BEGAIN: variants seen among roughly 807,000 people sequenced by gnomAD.
BEGAIN encodes brain-enriched guanylate kinase-associated protein.
BEGAIN carries 19 observed loss-of-function variants against 35.8 expected under a neutral mutation model. The ratio of observed to expected loss-of-function variants is 0.53; its 90% CI spans 0.37 to 0.78. The LOEUF (loss-of-function observed/expected upper bound fraction) is 0.78. Among genes scored for constraint, BEGAIN ranks in the 30% least tolerant of loss-of-function variants. BEGAIN has a pLI of 0.00. For synonymous variants in BEGAIN, 462 were observed against 388.6 expected, an observed-to-expected ratio of 1.19 and a Z score of -2.22; for missense variants, 795 against 853.6, an observed-to-expected ratio of 0.93 and a Z score of 0.85.
At position 100,539,025 on chromosome 14, in the gene BEGAIN, G is replaced by C; in HGVS notation, c.783C>G (p.Asp261Glu). 1.2e-6 allele frequency: 2 copies of C among 1,611,532 alleles called. No homozygotes were observed. The highest frequency in any genetic ancestry group is 2.2e-5 in the South Asian group (2 of 90,968). The change falls in exon 7 of 7, where the codon GAC becomes GAG. Residue 261 changes from aspartate to glutamate, a missense_variant. Asp to Glu is a conservative substitution (Grantham distance 45, BLOSUM62 2). Around this residue, in one of 3 missense-constraint regions of BEGAIN, gnomAD observed 664 missense variants for 647.7 expected, o/e 1.03. Transcript: ENST00000554140. ...ALYCPEERRR[D>E]RRPSVDAPVT... ...CGGGCGCGTCCACGCTAGGCCGCCG[G>C]TCTCGCCGCCGCTCCTCCGGGCAGT...
chr14:100,573,865 G>A lies in BEGAIN; in HGVS notation c.43-5926C>T, dbSNP rs568685479. ...GGCAGCCACGGTGGGAGGCGACAGG[G>A]GCTGGGACAGAGCCCGGGACTCTGC... is the stretch of plus-strand genomic sequence containing the variant. On this transcript the variant is annotated intron_variant, in intron 1 of 6. Coordinates refer to ENST00000554140, the MANE Select transcript of BEGAIN (RefSeq NM_001385089.1). This position sits in a 1 kb window ranked among gnomAD's most constrained non-coding sequence, Gnocchi z 4.2. Among the ~76,000 whole-genome samples the A allele has an allele frequency of 2.0e-4, 30 of 152,052 alleles. No individual in the cohort carries two copies. The South Asian group carries it at 6.2e-3, about 32-fold the overall frequency.
chr14:100,544,483 G>A (rs1308165330), intron 4 of BEGAIN, among the ~76,000 whole-genome samples: 2 of 152,352 alleles, frequency 1.3e-5, no homozygotes, highest in African/African-American at 2.4e-5. Flanking sequence ...TCATCCTAGT[G>A]AGGGAGTGGC....
chr14:100,577,198 C>T lies in BEGAIN; in HGVS notation c.43-9259G>A, dbSNP rs1367990017. The T allele has an allele frequency of 7.5e-6, 3 of 397,880 alleles. No individual in the cohort carries two copies. In the Admixed American group the frequency reaches 1.3e-4, roughly 17 times the overall value. The allele number at this position is 397,880 out of a possible 1,614,324, so 24.6% of individuals were successfully genotyped here. On this transcript the variant is annotated intron_variant, in intron 1 of 6. Transcript: ENST00000554140. ...CATTCTTTTGGCAATTAAGGTCTTT[C>T]CCGTTACAAATATTATAAATGGGGT...
At chr14:100,575,180 T>A (rs2035175694) in intron 1 of BEGAIN, among the ~76,000 whole-genome samples, 1 of 152,202 alleles carries the variant, frequency 6.6e-6, no homozygotes, top group South Asian at 2.1e-4. Flanking sequence ...GCATTGTCTC[T>A]CAAGAAACGG....
At chr14:100,546,761 C>T in intron 2 of BEGAIN, 99 bp from the exon 3 acceptor site, 4 of 1,105,646 alleles carry the variant, frequency 3.6e-6, no homozygotes, top group South Asian at 1.7e-5. Context: ...CACGCGAGTA[C>T]CGGCGCGCGC....
intron 1 of BEGAIN, chr14:100,577,843 G>A: frequency 2.5e-6 from 1 of 399,408 alleles, no homozygotes; most frequent in South Asian, 1.3e-4. Flanking sequence ...CTGTCTGTGA[G>A]CTTCCTTGAT....
intron 2 of BEGAIN, 109 bp from the exon 3 acceptor site, chr14:100,546,771 C>CGG: frequency 2.6e-6 from 2 of 771,204 alleles, no homozygotes; most frequent in Non-Finnish European, 3.6e-6. Context: ...CCGGCGCGCG[C>CGG]GCGCGCGCGC....
intron 2 of BEGAIN, among the ~76,000 whole-genome samples, chr14:100,562,972 C>A (rs891349118): frequency 1.3e-5 from 2 of 152,136 alleles, no homozygotes; most frequent in African/African-American, 2.4e-5. Context: ...ACAATGAGAG[C>A]AGCAGGGCCG....
At position 100,539,209 on chromosome 14, in the gene BEGAIN, C is replaced by T; in HGVS notation, c.599G>A (p.Cys200Tyr). ...HPAYADSVPT[C>Y]VIAKVLEKPD... Reference sequence around the variant, plus strand: ...CTTCTCCAGCACCTTGGCAATGACGCAGGTGGGGACGCTGTCGGCGTAGGC... The same window carrying T: ...CTTCTCCAGCACCTTGGCAATGACGTAGGTGGGGACGCTGTCGGCGTAGGC... The change falls in exon 7 of 7, where the codon TGC becomes TAC. Residue 200 changes from cysteine to tyrosine, a missense_variant. Cys to Tyr is a radical substitution (Grantham distance 194). Transcript: ENST00000554140. 6.3e-7 allele frequency: 1 copy of T among 1,583,062 alleles called. No individual in the cohort carries two copies. Among genetic ancestry groups the T allele is most frequent in the Non-Finnish European group, 8.6e-7 (1 of 1,163,636 alleles).
intron 1 of BEGAIN, chr14:100,577,881 G>A (rs1183843871): frequency 2.5e-6 from 1 of 399,120 alleles, no homozygotes; most frequent in African/African-American, 2.1e-5. Flanking sequence ...GCTCCAGGAG[G>A]GAGCTGTAGC....
rs1274248670 is a variant in BEGAIN, at chr14:100,586,637, G to A, written c.42+612C>T. Among the ~76,000 whole-genome samples, 3 of 152,188 alleles carry A rather than the reference G, an allele frequency of 2.0e-5. No individual in the cohort carries two copies. The highest frequency in any genetic ancestry group is 7.2e-5 in the African/African-American group (3 of 41,458). The stretch of plus-strand genomic sequence containing the variant: ...CGCCGGCTGAGCCGCTCTGGGCGAG[G>A]CCCTGGCCTCCCTGAGCCTCAGTTT... On this transcript the variant is annotated intron_variant, in intron 1 of 6. Coordinates refer to ENST00000554140, the MANE Select transcript of BEGAIN (RefSeq NM_001385089.1). The surrounding 1 kb of genome is among the most constrained non-coding windows in gnomAD (Gnocchi z 4.9).
In BEGAIN at chr14:100,538,822, T is replaced by C. The variant is rs375713804; in HGVS notation, c.986A>G (p.Lys329Arg). The C allele has an allele frequency of 1.2e-6, 2 of 1,604,808 alleles. No homozygotes were observed. The highest frequency in any genetic ancestry group is 2.7e-5 in the African/African-American group (2 of 74,962). ...YSSFSATSEE[K>R]EHAQASTLTA... Reference sequence around the variant, plus strand: ...CAGCGTGCTGGCCTGCGCGTGCTCCTTCTCCTCCGACGTGGCGCTGAAGCT... The same window carrying C: ...CAGCGTGCTGGCCTGCGCGTGCTCCCTCTCCTCCGACGTGGCGCTGAAGCT... Residue 329 changes from lysine (K) to arginine (R), a missense_variant, in exon 7 of 7, where the codon AAG becomes AGG. This residue lies in a region of BEGAIN where 664 missense variants were observed against 647.7 expected (regional missense o/e 1.03). Transcript: ENST00000554140.
intron 1 of BEGAIN, among the ~76,000 whole-genome samples, chr14:100,579,401 C>A (rs754523138): frequency 5.9e-5 from 9 of 152,202 alleles, no homozygotes; most frequent in Non-Finnish European, 1.2e-4. Context: ...AGACCTGGAC[C>A]CTCCATCATT....
chr14:100,538,319 C>T lies in BEGAIN; in HGVS notation c.1489G>A (p.Glu497Lys). The T allele has an allele frequency of 6.6e-7, 1 of 1,522,880 alleles. No homozygotes were observed. 94.3% of individuals were successfully genotyped at this position (1,522,880 alleles called of 1,614,324 possible). A position where few individuals can be genotyped will look rare whatever the true frequency, so the allele number is the denominator to read the frequency against. The change falls in exon 7 of 7, where the codon GAG (glutamate) becomes AAG (lysine). Residue 497 changes from glutamate to lysine, a missense_variant. By Grantham distance (56) the Glu-to-Lys change is moderately conservative. Transcript: ENST00000554140. ...YASYKADSFS[E>K]GDDLSQGHLA... ...TGGCCCTGGGAGAGGTCGTCCCCCT[C>T]GGAGAAGCTGTCGGCCTTGTAGCTG...
rs1193417135 is a variant in BEGAIN at position 100,563,849 on chromosome 14, T to C, written c.71+4062A>G. Among the ~76,000 whole-genome samples the C allele has an allele frequency of 6.6e-6, 1 of 152,146 alleles. No homozygotes were observed. The highest frequency in any genetic ancestry group is 2.4e-5 in the African/African-American group (1 of 41,416). On this transcript the variant is annotated intron_variant, in intron 2 of 6. Coordinates refer to ENST00000554140, the MANE Select transcript of BEGAIN (RefSeq NM_001385089.1). The surrounding 1 kb of genome is among the most constrained non-coding windows in gnomAD (Gnocchi z 4.2). Reference sequence around the variant, plus strand: ...AAGCCACCATGACAACAGCAACTGGTAGCTCCACCTACCACCACAAGGGAC... The same window carrying C: ...AAGCCACCATGACAACAGCAACTGGCAGCTCCACCTACCACCACAAGGGAC...
intron 1 of BEGAIN, among the ~76,000 whole-genome samples, chr14:100,578,947 C>A (rs918153372): frequency 6.6e-6 from 1 of 150,440 alleles, no homozygotes; most frequent in Non-Finnish European, 1.5e-5. Flanking sequence ...CTGCAACTTC[C>A]GCTCCCAGAT....
rs2035132691 is a variant in BEGAIN, at chr14:100,573,397, T to A, written c.43-5458A>T. ...AGTTGGGAAGCATCCCGGTCACCAG[T>A]GGGAAGGAGCAGCTGGGGTGCGGGG... On this transcript the variant is annotated intron_variant, in intron 1 of 6. Coordinates refer to ENST00000554140, the MANE Select transcript of BEGAIN (RefSeq NM_001385089.1). This position sits in a 1 kb window ranked among gnomAD's most constrained non-coding sequence, Gnocchi z 4.2. 6.6e-6 allele frequency among the ~76,000 whole-genome samples: 1 copy of A among 151,022 alleles called. No individual in the cohort carries two copies. Among genetic ancestry groups the A allele is most frequent in the Non-Finnish European group, 1.5e-5 (1 of 67,762 alleles).
At chr14:100,542,478 AC>A (rs773612904) in intron 5 of BEGAIN, among the ~76,000 whole-genome samples, 11 of 151,750 alleles carry the variant, frequency 7.2e-5, no homozygotes, top group Non-Finnish European at 1.3e-4. Flanking sequence ...TCAACTCCAG[AC>A]CCGGGCCTCC....
intron 1 of BEGAIN, among the ~76,000 whole-genome samples, chr14:100,582,359 G>A (rs2035337759): frequency 6.6e-6 from 1 of 152,142 alleles, no homozygotes. Context: ...TGGCCGGGAT[G>A]GTCTTGATCT....
Sources: allele counts gnomAD v4.1 joint callset (sites outside exome capture counted in the v4.1 genomes callset), GRCh38; gene constraint gnomAD v4.1.1; regional missense constraint gnomAD v4.1.1; non-coding constraint Gnocchi (gnomAD v3.1); transcripts MANE v1.5; gene names NCBI Gene and HGNC (gene_info 2026-07-23, HGNC 2026-07-21).